ROR1: variants seen among roughly 807,000 people sequenced by gnomAD.
ROR1 encodes the protein inactive tyrosine-protein kinase transmembrane receptor ROR1.
ROR1 carries 19 observed loss-of-function variants against 78.8 expected under a neutral mutation model. That is an observed-to-expected ratio of 0.24 (90% confidence interval 0.17 to 0.35). The LOEUF is 0.35. Among genes scored for constraint, ROR1 ranks in the 10% least tolerant of loss-of-function variants. The pLI, the probability that ROR1 is intolerant of heterozygous loss-of-function variation, is 1.00. For missense variants in ROR1, 917 were observed against 1,177.8 expected (o/e 0.78, Z 3.24); for synonymous variants, 386 against 433.6 (o/e 0.89, Z 1.36).
At chr1:63,808,141 C>A (rs1441660991) in intron 1 of ROR1, among the ~76,000 whole-genome samples, 1 of 152,156 alleles carries the variant, frequency 6.6e-6, no homozygotes, top group Non-Finnish European at 1.5e-5. Flanking sequence ...TGCCAGCTTT[C>A]CTTGCAGCTG....
At chr1:63,949,904 C>T (rs10493353) in intron 1 of ROR1, among the ~76,000 whole-genome samples, 40,622 of 151,868 alleles carry the variant, frequency 0.27, 7,004 homozygotes, top group African/African-American at 0.49. Context: ...TTTCATTAGA[C>T]GACATTCGTA....
chr1:64,148,552 T>C (rs890595652), intron 7 of ROR1, among the ~76,000 whole-genome samples: 4 of 152,242 alleles, frequency 2.6e-5, no homozygotes, highest in African/African-American at 9.6e-5. Flanking sequence ...ACTTTTGTTT[T>C]AGTTTCAACT....
rs768590709 is a variant in ROR1 at position 64,159,111 on chromosome 1, G to A, written c.1305G>A (p.Ser435=). The change falls in exon 8 of 9, where the codon TCG becomes TCA. Residue 435 remains serine (S), a synonymous_variant. Transcript: ENST00000371079. ...ICVCRNNQKS[S]SAPVQRQPKH... ...TCTGTCGGAATAACCAGAAGTCATC[G>A]TCGGCACCAGTCCAGAGGCAACCAA... The A allele has an allele frequency of 1.4e-5, 23 of 1,613,964 alleles. No individual in the cohort carries two copies. The highest frequency in any genetic ancestry group is 1.1e-4 in the African/African-American group (8 of 74,882).
At position 64,028,185 on chromosome 1, in the gene ROR1, G is replaced by A. The variant is rs370458472; in HGVS notation, c.163+18809G>A. 1.6e-4 allele frequency among the ~76,000 whole-genome samples: 24 copies of A among 152,238 alleles called. 1 individual carries two copies. Among genetic ancestry groups the A allele is most frequent in the African/African-American group, 4.6e-4 (19 of 41,530 alleles). On this transcript the variant is annotated intron_variant, in intron 2 of 8. Transcript: ENST00000371079. ...ATCTTCCTGTTTCTCTGAACTTTAA[G>A]GTCAGCATTCCCATTTTGTCACATT...
intron 7 of ROR1, among the ~76,000 whole-genome samples, chr1:64,154,266 C>T (rs1357529383): frequency 6.6e-6 from 1 of 152,256 alleles, no homozygotes; most frequent in Non-Finnish European, 1.5e-5. Context: ...CTCTCGCCTT[C>T]CAGGCATATG....
At chr1:63,959,969 C>T (rs1471957791) in intron 1 of ROR1, among the ~76,000 whole-genome samples, 1 of 152,216 alleles carries the variant, frequency 6.6e-6, no homozygotes, top group Non-Finnish European at 1.5e-5. Flanking sequence ...CATCACCTCC[C>T]ACGAGAAGGC....
At chr1:63,822,757 T>C (rs1644930734) in intron 1 of ROR1, among the ~76,000 whole-genome samples, 1 of 152,196 alleles carries the variant, frequency 6.6e-6, no homozygotes. Context: ...TCTTAATCCC[T>C]ATTGTTGAAT....
At chr1:63,947,880 A>G (rs1423566540) in intron 1 of ROR1, among the ~76,000 whole-genome samples, 1 of 152,226 alleles carries the variant, frequency 6.6e-6, no homozygotes, top group East Asian at 1.9e-4. Context: ...TTCTGAAATC[A>G]TGCTGGTGAA....
At chr1:64,026,215 T>C (rs979093569) in intron 2 of ROR1, among the ~76,000 whole-genome samples, 1 of 152,224 alleles carries the variant, frequency 6.6e-6, no homozygotes, top group Admixed American at 6.5e-5. Flanking sequence ...CTCTGGACTT[T>C]GCAGTAAGAT....
intron 4 of ROR1, among the ~76,000 whole-genome samples, chr1:64,128,736 G>T (rs1050728121): frequency 5.3e-5 from 8 of 152,116 alleles, no homozygotes; most frequent in African/African-American, 1.4e-4. Flanking sequence ...ATAAACAATT[G>T]AATATATCAA....
At chr1:63,792,329 G>A (rs188501883) in intron 1 of ROR1, among the ~76,000 whole-genome samples, 15 of 152,258 alleles carry the variant, frequency 9.9e-5, no homozygotes, top group Admixed American at 9.8e-4. Flanking sequence ...CAGTATTCAG[G>A]TGCCGCGACA....
At chr1:64,006,543 A>G (rs285391) in intron 1 of ROR1, among the ~76,000 whole-genome samples, 104,803 of 152,134 alleles carry the variant, frequency 0.69, 39,097 homozygotes, top group East Asian at 0.94. Flanking sequence ...CCCAAACAAG[A>G]GGTTGATAAC....
At chr1:64,029,690 C>T (rs2100567485) in intron 2 of ROR1, among the ~76,000 whole-genome samples, 1 of 152,122 alleles carries the variant, frequency 6.6e-6, no homozygotes, top group East Asian at 1.9e-4. Flanking sequence ...TTTATGAGGC[C>T]ACCAATCTTA....
intron 2 of ROR1, among the ~76,000 whole-genome samples, chr1:64,039,924 C>T (rs574720851): frequency 6.6e-6 from 1 of 152,260 alleles, no homozygotes; most frequent in South Asian, 2.1e-4. Context: ...GCAATGTGAC[C>T]TATAAAGCTT....
At chr1:63,835,388 G>T (rs928855847) in intron 1 of ROR1, among the ~76,000 whole-genome samples, 1 of 152,190 alleles carries the variant, frequency 6.6e-6, no homozygotes, top group Non-Finnish European at 1.5e-5. Context: ...CATGTCTCCA[G>T]AGCAAAAAGA....
At chr1:63,838,494 T>G (rs1188486604) in intron 1 of ROR1, among the ~76,000 whole-genome samples, 1 of 152,138 alleles carries the variant, frequency 6.6e-6, no homozygotes, top group Non-Finnish European at 1.5e-5. Flanking sequence ...AACTTAAAAA[T>G]GTTTAAATAG....
At chr1:63,776,069 A>G (rs1644614658) in intron 1 of ROR1, among the ~76,000 whole-genome samples, 1 of 152,272 alleles carries the variant, frequency 6.6e-6, no homozygotes, top group African/African-American at 2.4e-5. Flanking sequence ...GTTGCCCAGC[A>G]AATTGAGGTG....
intron 1 of ROR1, among the ~76,000 whole-genome samples, chr1:63,923,446 A>T (rs2100432644): frequency 6.6e-6 from 1 of 152,152 alleles, no homozygotes; most frequent in African/African-American, 2.4e-5. Flanking sequence ...CACAGTAGGT[A>T]CCCAGGCAAA....
At chr1:64,043,935 A>C (rs1304348154) in intron 2 of ROR1, among the ~76,000 whole-genome samples, 1 of 152,260 alleles carries the variant, frequency 6.6e-6, no homozygotes, top group East Asian at 1.9e-4. Context: ...GTAAATGCTC[A>C]GAAAAATGTT....
Sources: gnomAD v4.1 joint callset for allele counts (sites outside exome capture counted in the v4.1 genomes callset) on GRCh38, gnomAD v4.1.1 for gene constraint, MANE v1.5 for transcripts, NCBI Gene and HGNC (gene_info 2026-07-23, HGNC 2026-07-21) for gene names.